Variants in IL16 observed in about 807,000 individuals in gnomAD.
The protein encoded by IL16 is pro-interleukin-16.
IL16 carries 67 observed loss-of-function variants against 110.1 expected under a neutral mutation model. That is an observed-to-expected ratio of 0.61 (90% CI 0.50 to 0.75). The LOEUF (loss-of-function observed/expected upper bound fraction) is 0.75. Ranked by LOEUF, IL16 falls within the 30% of genes least tolerant of loss-of-function variation. The pLI, the probability that IL16 is intolerant of heterozygous loss-of-function variation, is 0.00. For synonymous variants in IL16, 689 were observed against 662.9 expected (o/e 1.04, Z -0.61); for missense variants, 1,545 against 1,655.0 (o/e 0.93, Z 1.15).
Position 81,313,304 on chromosome 15 carries a change from G to C in IL16, c.*4506G>C. 4 of 1,580,748 alleles carry C rather than the reference G, an allele frequency of 2.5e-6. No homozygotes were observed. Among genetic ancestry groups the C allele is most frequent in the Non-Finnish European group, 3.4e-6 (4 of 1,163,998 alleles). ...CTTTCTGAAGGTTGGCATAAAACCG[G>C]GTCATGCTGCGGGGGAAGAAGGAGT... is the stretch of plus-strand genomic sequence containing the variant. On this transcript the variant is annotated 3_prime_UTR_variant, in exon 19 of 19. Coordinates refer to ENST00000683961, the MANE Select transcript of IL16 (RefSeq NM_172217.5).
At chr15:81,277,694 G>A (rs1898975580) in intron 6 of IL16, among the ~76,000 whole-genome samples, 1 of 152,170 alleles carries the variant, frequency 6.6e-6, no homozygotes. Context: ...TGGGATTAGA[G>A]GTGTGAGCCA....
chr15:81,232,343 T>G (rs555715655), intron 2 of IL16, among the ~76,000 whole-genome samples: 5 of 152,222 alleles, frequency 3.3e-5, no homozygotes, highest in Non-Finnish European at 7.3e-5. Context: ...TTCCCCTTTA[T>G]TTTACAGGCT....
chr15:81,264,194 G>T (rs887038242), intron 3 of IL16, among the ~76,000 whole-genome samples: 2 of 152,180 alleles, frequency 1.3e-5, no homozygotes, highest in Admixed American at 1.3e-4. Flanking sequence ...GTGGTTTTCT[G>T]AATCTTCTGG....
upstream of IL16, chr15:81,196,811 C>G (rs1014870385): frequency 3.6e-6 from 4 of 1,107,016 alleles, no homozygotes; most frequent in Admixed American, 1.0e-4. Flanking sequence ...TTGGATCAAG[C>G]CTTTTCACGT....
chr15:81,214,024 G>T (rs112010398), intron 1 of IL16, among the ~76,000 whole-genome samples: 2 of 149,304 alleles, frequency 1.3e-5, no homozygotes, highest in Non-Finnish European at 3.0e-5. Context: ...TGTGCATTTT[G>T]TTTTTTTTTT....
chr15:81,222,510 C>G (rs187064854), intron 1 of IL16, among the ~76,000 whole-genome samples: 30 of 151,798 alleles, frequency 2.0e-4, no homozygotes, highest in African/African-American at 7.2e-4. Context: ...GATTTTCTCT[C>G]TGTCCTCCTT....
intron 1 of IL16, among the ~76,000 whole-genome samples, chr15:81,199,029 AAATATATAT>A (rs1467724977): frequency 3.0e-5 from 3 of 101,470 alleles, no homozygotes; most frequent in African/African-American, 1.7e-4. Context: ...CAAAAAAAAA[AAATATATAT>A]ATATATATAT....
chr15:81,283,140 A>G (rs1329806904), intron 9 of IL16, among the ~76,000 whole-genome samples: 5 of 152,214 alleles, frequency 3.3e-5, no homozygotes, highest in Non-Finnish European at 5.9e-5. Flanking sequence ...TGCCAGGACC[A>G]GACCGAGGTG....
At chr15:81,199,435 C>A (rs74030015) in intron 1 of IL16, among the ~76,000 whole-genome samples, 1 of 152,124 alleles carries the variant, frequency 6.6e-6, no homozygotes, top group Admixed American at 6.5e-5. Context: ...AGGAGGGAGG[C>A]GCTGTTCTTG....
At chr15:81,223,696 C>G (rs1041029106) in intron 1 of IL16, among the ~76,000 whole-genome samples, 1 of 152,232 alleles carries the variant, frequency 6.6e-6, no homozygotes, top group African/African-American at 2.4e-5. Context: ...AGTTTTCAAA[C>G]AGACATTGTT....
chr15:81,212,918 G>T (rs1348635935), intron 1 of IL16, among the ~76,000 whole-genome samples: 1 of 151,918 alleles, frequency 6.6e-6, no homozygotes, highest in African/African-American at 2.4e-5. Context: ...CTTTCCTTCT[G>T]TTAGTGTTGG....
In IL16 at chr15:81,267,479, G is replaced by GACACACACACACAC. The variant is rs56259509; in HGVS notation, c.564+1692_564+1705dup. 3.2e-3 allele frequency among the ~76,000 whole-genome samples: 348 copies of GACACACACACACAC among 107,700 alleles called. 1 individual carries two copies. The highest frequency in any genetic ancestry group is 0.018 in the African/African-American group (336 of 19,172). 70.7% of individuals were successfully genotyped at this position (107,700 alleles called of 152,430 possible). A position where few individuals can be genotyped will look rare whatever the true frequency, so the allele number is the denominator to read the frequency against. On this transcript the variant is annotated intron_variant, in intron 4 of 18. Coordinates refer to ENST00000683961, the MANE Select transcript of IL16 (RefSeq NM_172217.5). ...ACACATACGCAGACACACATACACA[G>GACACACACACACAC]ACACACACACACACACACACACACA... is the stretch of plus-strand genomic sequence containing the variant.
Position 81,262,749 on chromosome 15 carries a change from T to C in IL16, c.421+2869T>C, listed in dbSNP as rs539695215. On this transcript the variant is annotated intron_variant, in intron 3 of 18. Coordinates refer to ENST00000683961, the MANE Select transcript of IL16 (RefSeq NM_172217.5). Reference sequence around the variant, plus strand: ...GAGTTCGAGACCAGCCTGACCAACATAGAGAAACCCTGTCTCTACTAAAAA... The same window carrying C: ...GAGTTCGAGACCAGCCTGACCAACACAGAGAAACCCTGTCTCTACTAAAAA... Among the ~76,000 whole-genome samples the C allele has an allele frequency of 2.6e-5, 4 of 152,186 alleles. No homozygotes were observed. In the East Asian group the frequency reaches 7.7e-4, roughly 29 times the overall value.
chr15:81,243,145 A>G (rs780413740), intron 2 of IL16, among the ~76,000 whole-genome samples: 2 of 34,656 alleles, frequency 5.8e-5, no homozygotes, highest in Non-Finnish European at 1.1e-4. Context: ...CTATATAAGT[A>G]TATATATATA....
chr15:81,232,140 C>T (rs1242710717), intron 2 of IL16, among the ~76,000 whole-genome samples: 2 of 129,772 alleles, frequency 1.5e-5, no homozygotes, highest in African/African-American at 5.7e-5. Flanking sequence ...ATTGCTTTGG[C>T]TTTATAGATC....
At chr15:81,220,295 G>A (rs2142019555) in intron 1 of IL16, among the ~76,000 whole-genome samples, 1 of 152,168 alleles carries the variant, frequency 6.6e-6, no homozygotes, top group South Asian at 2.1e-4. Context: ...CCATCATGCT[G>A]GCTAGTTTTT....
chr15:81,230,266 AC>A (rs1407201891), intron 2 of IL16, among the ~76,000 whole-genome samples: 1 of 152,230 alleles, frequency 6.6e-6, no homozygotes, highest in African/African-American at 2.4e-5. Flanking sequence ...ACAGGGACTT[AC>A]TGGCTACTCC....
In IL16 at chr15:81,300,166, C is replaced by T; in HGVS notation, c.2840C>T (p.Thr947Ile). The change falls in exon 14 of 19, where the codon ACA (threonine) becomes ATA (isoleucine). Residue 947 changes from threonine to isoleucine, a missense_variant. Physicochemically the swap from Thr to Ile is moderately conservative, Grantham distance 89. Around this residue, in one of 3 missense-constraint regions of IL16, gnomAD observed 1,185 missense variants for 1,238.8 expected, o/e 0.96. Coordinates refer to ENST00000683961, the MANE Select transcript of IL16 (RefSeq NM_172217.5). ...GACCCGCTCCTAAGGCTGCTGTCAA[C>T]ACAGGCTGAGGAATCTCAAGGCCCA... ...GPDPLLRLLS[T>I]QAEESQGPVL... is the part of the protein sequence containing the mutation. 1 of 1,614,060 alleles carries T rather than the reference C, an allele frequency of 6.2e-7. No homozygotes were observed.
At chr15:81,217,394 C>T (rs1347219349) in intron 1 of IL16, among the ~76,000 whole-genome samples, 1 of 151,982 alleles carries the variant, frequency 6.6e-6, no homozygotes, top group African/African-American at 2.4e-5. Context: ...ATAGACCAAC[C>T]AAGGAAGTAA....
Sources: gnomAD v4.1 joint callset for allele counts (sites outside exome capture counted in the v4.1 genomes callset) on GRCh38, gnomAD v4.1.1 for gene constraint, gnomAD v4.1.1 regional missense constraint, MANE v1.5 for transcripts, NCBI Gene and HGNC (gene_info 2026-07-23, HGNC 2026-07-21) for gene names.